Variants in PCDH7 observed in about 807,000 individuals in gnomAD.
PCDH7 encodes the protein protocadherin 7, also known as protocadherin-7.
In PCDH7, 17 loss-of-function variants were observed where a neutral mutation model predicts 58.9. That is an observed-to-expected ratio of 0.29 (90% CI 0.20 to 0.43). The LOEUF is 0.43. Among genes scored for constraint, PCDH7 ranks in the 20% least tolerant of loss-of-function variants. The probability of loss-of-function intolerance (pLI) is 1.00; values close to 1 mark genes in which losing one functional copy is unlikely to be tolerated. For synonymous variants in PCDH7, 664 were observed against 616.4 expected (o/e 1.08, Z -1.14); for missense variants, 1,274 against 1,441.0 (o/e 0.88, Z 1.88).
chr4:30,864,739 C>G (rs1034717032), intron 1 of PCDH7, among the ~76,000 whole-genome samples: 1 of 152,152 alleles, frequency 6.6e-6, no homozygotes, highest in East Asian at 1.9e-4. Context: ...TACTAAGACA[C>G]TATGGCTTGG....
chr4:31,085,446 G>A (rs2109276253), intron 3 of PCDH7, among the ~76,000 whole-genome samples: 1 of 152,286 alleles, frequency 6.6e-6, no homozygotes, highest in African/African-American at 2.4e-5. Flanking sequence ...CAAGAAGGAG[G>A]TCTGCTTTGG....
intron 3 of PCDH7, among the ~76,000 whole-genome samples, chr4:31,110,271 A>G (rs1449202633): frequency 2.0e-5 from 3 of 152,206 alleles, no homozygotes; most frequent in African/African-American, 7.2e-5. Flanking sequence ...GACAACCTTA[A>G]CACCCACAGT....
chr4:31,062,293 T>C (rs1249704868), intron 3 of PCDH7, among the ~76,000 whole-genome samples: 1 of 151,730 alleles, frequency 6.6e-6, no homozygotes, highest in Admixed American at 6.6e-5. Flanking sequence ...TCTATCTCTA[T>C]TTCCAAGTCT....
intron 1 of PCDH7, among the ~76,000 whole-genome samples, chr4:30,814,914 A>G (rs947232854): frequency 6.6e-6 from 1 of 151,938 alleles, no homozygotes; most frequent in African/African-American, 2.4e-5. Flanking sequence ...CTGCCTTCCT[A>G]TATTATGTTT....
At chr4:31,116,866 G>A (rs188040353) in intron 3 of PCDH7, among the ~76,000 whole-genome samples, 2 of 151,866 alleles carry the variant, frequency 1.3e-5, no homozygotes, top group East Asian at 1.9e-4. Flanking sequence ...ACGGAGTTTC[G>A]CTCTTCTTGC....
intron 1 of PCDH7, among the ~76,000 whole-genome samples, chr4:30,876,722 T>A (rs1252596366): frequency 6.6e-6 from 1 of 152,008 alleles, no homozygotes. Flanking sequence ...ACAAATAATT[T>A]GTTTTATTAT....
At chr4:30,839,348 T>C (rs1209653027) in intron 1 of PCDH7, among the ~76,000 whole-genome samples, 3 of 152,146 alleles carry the variant, frequency 2.0e-5, no homozygotes, top group African/African-American at 4.8e-5. Context: ...TTTCTTCATA[T>C]GTAAAACAGA....
intron 2 of PCDH7, among the ~76,000 whole-genome samples, chr4:30,927,354 T>C (rs1744000419): frequency 6.6e-6 from 1 of 151,874 alleles, no homozygotes; most frequent in Non-Finnish European, 1.5e-5. Context: ...GTCTGGGAGG[T>C]GTACCCAACA....
At chr4:30,850,235 T>A (rs1364149394) in intron 1 of PCDH7, among the ~76,000 whole-genome samples, 1 of 152,156 alleles carries the variant, frequency 6.6e-6, no homozygotes, top group Non-Finnish European at 1.5e-5. Flanking sequence ...AAGGTTTTAG[T>A]GTATCTCAAT....
chr4:30,966,681 C>G (rs1377560691), intron 3 of PCDH7, among the ~76,000 whole-genome samples: 1 of 151,932 alleles, frequency 6.6e-6, no homozygotes, highest in Non-Finnish European at 1.5e-5. Flanking sequence ...CCCAAAGGTT[C>G]CATATTGTCA....
intron 1 of PCDH7, among the ~76,000 whole-genome samples, chr4:30,886,074 T>C (rs1182336672): frequency 1.3e-5 from 2 of 151,792 alleles, no homozygotes; most frequent in East Asian, 1.9e-4. Context: ...AAGGACTTCA[T>C]GTCTAAAACA....
intron 1 of PCDH7, among the ~76,000 whole-genome samples, chr4:30,887,569 A>G (rs1259100040): frequency 6.6e-6 from 1 of 152,232 alleles, no homozygotes; most frequent in African/African-American, 2.4e-5. Context: ...TTGATAAAAT[A>G]CATAAAAAAT....
chr4:31,009,360 T>C (rs1483604543), intron 3 of PCDH7, among the ~76,000 whole-genome samples: 1 of 152,018 alleles, frequency 6.6e-6, no homozygotes, highest in Non-Finnish European at 1.5e-5. Flanking sequence ...GAGAGTTTTA[T>C]TTTTACTGAA....
intron 2 of PCDH7, among the ~76,000 whole-genome samples, chr4:30,925,032 A>G (rs1743670102): frequency 6.6e-6 from 1 of 152,142 alleles, no homozygotes; most frequent in African/African-American, 2.4e-5. Context: ...TTGACTTTAT[A>G]CATGAATATT....
chr4:31,110,567 C>T (rs1342721613), intron 3 of PCDH7, among the ~76,000 whole-genome samples: 4 of 152,096 alleles, frequency 2.6e-5, no homozygotes, highest in African/African-American at 9.7e-5. Flanking sequence ...TAAGGAAACT[C>T]ATTATTTTGA....
chr4:31,127,938 G>A (rs886946064), intron 3 of PCDH7, among the ~76,000 whole-genome samples: 3 of 151,710 alleles, frequency 2.0e-5, no homozygotes, highest in Non-Finnish European at 2.9e-5. Flanking sequence ...AGCTTTTTCA[G>A]TGTGACTCAA....
chr4:30,869,490 G>A (rs1354372631), intron 1 of PCDH7, among the ~76,000 whole-genome samples: 3 of 152,056 alleles, frequency 2.0e-5, no homozygotes, highest in African/African-American at 7.2e-5. Flanking sequence ...GTGTCCATGT[G>A]TTCTCATTGT....
At chr4:30,857,775 G>A (rs1733670792) in intron 1 of PCDH7, among the ~76,000 whole-genome samples, 1 of 152,048 alleles carries the variant, frequency 6.6e-6, no homozygotes, top group South Asian at 2.1e-4. Flanking sequence ...CTGAAAACAG[G>A]TAATTTATAT....
intron 1 of PCDH7, among the ~76,000 whole-genome samples, chr4:30,742,911 C>T (rs2109250142): frequency 6.6e-6 from 1 of 152,250 alleles, no homozygotes; most frequent in African/African-American, 2.4e-5. Context: ...GGCTAGGACG[C>T]AGATACAGAT....
Sources: allele counts gnomAD v4.1 joint callset (sites outside exome capture counted in the v4.1 genomes callset), GRCh38; gene constraint gnomAD v4.1.1; transcripts MANE v1.5; gene names NCBI Gene and HGNC (gene_info 2026-07-23, HGNC 2026-07-21).